Variants in KIAA0825 observed in about 807,000 individuals in gnomAD.
KIAA0825 encodes KIAA0825.
A neutral mutation model predicts 147.6 loss-of-function variants in KIAA0825; 119 were observed. The ratio of observed to expected loss-of-function variants is 0.81; its 90% confidence interval spans 0.69 to 0.94. KIAA0825 has a LOEUF of 0.94. KIAA0825 is among the 40% of genes least tolerant of loss of function. The pLI is 0.00. For synonymous variants in KIAA0825, 470 were observed against 518.1 expected (o/e 0.91, Z 1.26); for missense variants, 1,381 against 1,472.7 (o/e 0.94, Z 1.02).
At chr5:94,590,604 A>T (rs2152389982) in intron 1 of KIAA0825, among the ~76,000 whole-genome samples, 1 of 152,362 alleles carries the variant, frequency 6.6e-6, no homozygotes, top group Middle Eastern at 3.4e-3. Context: ...AGCTGAAATC[A>T]CAAGGTTTCT....
intron 14 of KIAA0825, among the ~76,000 whole-genome samples, chr5:94,426,619 ATAAGTTCTTGCGTTCAG>A (rs1754922748): frequency 6.6e-6 from 1 of 152,216 alleles, no homozygotes; most frequent in Non-Finnish European, 1.5e-5. Flanking sequence ...GTTAGAAGAA[ATAAGTTCTTGCGTTCAG>A]CAACAGAGTA....
At chr5:94,592,988 T>C in intron 1 of KIAA0825, 2 of 598,964 alleles carry the variant, frequency 3.3e-6, no homozygotes, top group South Asian at 3.3e-5. Flanking sequence ...ACATTTAATA[T>C]ACTTTGGAAG....
intron 14 of KIAA0825, among the ~76,000 whole-genome samples, chr5:94,437,633 G>T (rs1192760797): frequency 2.6e-5 from 4 of 152,176 alleles, no homozygotes; most frequent in African/African-American, 9.7e-5. Context: ...AAGAGAACAT[G>T]GTTAAATATT....
At chr5:94,189,509 T>C (rs1007587310) in intron 20 of KIAA0825, among the ~76,000 whole-genome samples, 1 of 152,162 alleles carries the variant, frequency 6.6e-6, no homozygotes, top group African/African-American at 2.4e-5. Flanking sequence ...GTTGTTCCAG[T>C]ATCACTTATT....
intron 10 of KIAA0825, among the ~76,000 whole-genome samples, chr5:94,468,447 G>A (rs1478565194): frequency 6.6e-6 from 1 of 152,208 alleles, no homozygotes; most frequent in South Asian, 2.1e-4. Flanking sequence ...GCTGCCAGGA[G>A]AGGGGAAGAC....
At chr5:94,575,220 T>C (rs1378081677) in intron 2 of KIAA0825, among the ~76,000 whole-genome samples, 1 of 152,150 alleles carries the variant, frequency 6.6e-6, no homozygotes, top group East Asian at 1.9e-4. Flanking sequence ...AGCACACGAC[T>C]AGTGTTTTAT....
At chr5:94,497,197 C>A (rs1764481448) in intron 5 of KIAA0825, among the ~76,000 whole-genome samples, 1 of 152,138 alleles carries the variant, frequency 6.6e-6, no homozygotes. Context: ...AGAAAACTAG[C>A]AATGACATCA....
At position 94,152,024 on chromosome 5, in the gene KIAA0825, T is replaced by C. The variant is rs1402268589; in HGVS notation, c.*1983A>G. ...CTCATAAAATTTTCCTACCATTTTC[T>C]AAATGGTCTTCATAGAATTTTTAGA... On this transcript the variant is annotated 3_prime_UTR_variant, in exon 21 of 21. Coordinates refer to ENST00000682413, the MANE Select transcript of KIAA0825 (RefSeq NM_001145678.3). 6.6e-6 allele frequency among the ~76,000 whole-genome samples: 1 copy of C among 152,218 alleles called. No individual in the cohort carries two copies. The highest frequency in any genetic ancestry group is 1.5e-5 in the Non-Finnish European group (1 of 68,032).
At position 94,154,025 on chromosome 5, in the gene KIAA0825, A is replaced by G. The variant is rs1766800968; in HGVS notation, c.3810T>C (p.Asp1270=). 1.3e-6 allele frequency: 2 copies of G among 1,550,546 alleles called. No individual in the cohort carries two copies. The highest frequency in any genetic ancestry group is 1.2e-5 in the South Asian group (1 of 84,028). The part of the protein sequence containing the change: ...ICTPQNSSAS[D]NIEEQ ...CTGCAGATTACTGTTCCTCTATGTT[A>G]TCTGAGGCAGAAGAGTTCTGTGGGG... The change falls in exon 21 of 21, where the codon GAT becomes GAC. Residue 1270 remains aspartate, a synonymous_variant. Coordinates refer to ENST00000682413, the MANE Select transcript of KIAA0825 (RefSeq NM_001145678.3).
chr5:94,551,847 A>G (rs1231431728), intron 2 of KIAA0825, among the ~76,000 whole-genome samples: 1 of 149,650 alleles, frequency 6.7e-6, no homozygotes, highest in Non-Finnish European at 1.5e-5. Context: ...AACTGCAAAA[A>G]TAAATAGAGA....
At chr5:94,163,907 G>T (rs1435262016) in intron 20 of KIAA0825, among the ~76,000 whole-genome samples, 1 of 152,166 alleles carries the variant, frequency 6.6e-6, no homozygotes, top group Non-Finnish European at 1.5e-5. Context: ...GAAATTAATT[G>T]TAATGGACTC....
In KIAA0825 at chr5:94,547,736, C is replaced by CAAAA. The variant is rs144612994; in HGVS notation, c.-1-10613_-1-10610dup. Among the ~76,000 whole-genome samples, 157 of 127,678 alleles carry CAAAA rather than the reference C, an allele frequency of 1.2e-3. 1 individual carries two copies. Among genetic ancestry groups the CAAAA allele is most frequent in the African/African-American group, 5.0e-3 (152 of 30,620 alleles). The allele number at this position is 127,678 out of a possible 152,430, so 83.8% of individuals were successfully genotyped here. A position where few individuals can be genotyped will look rare whatever the true frequency, so the allele number is the denominator to read the frequency against. On this transcript the variant is annotated intron_variant, in intron 2 of 20. Coordinates refer to ENST00000682413, the MANE Select transcript of KIAA0825 (RefSeq NM_001145678.3). ...TGCACGACAGGGTAAGACTCCCTTT[C>CAAAA]AAAAAAAAAAAGAATCGTAAAAGCA...
chr5:94,551,826 A>G (rs936349393), intron 2 of KIAA0825, among the ~76,000 whole-genome samples: 7 of 152,084 alleles, frequency 4.6e-5, no homozygotes, highest in African/African-American at 1.4e-4. Context: ...AACACTACAG[A>G]AAAACCATCA....
At chr5:94,524,749 A>ATT (rs1768939054) in intron 3 of KIAA0825, among the ~76,000 whole-genome samples, 1 of 151,768 alleles carries the variant, frequency 6.6e-6, no homozygotes, top group South Asian at 2.1e-4. Flanking sequence ...TAAGTTTTAA[A>ATT]TTTTACTTTT....
chr5:94,528,417 TG>T (rs1452068955), intron 3 of KIAA0825, among the ~76,000 whole-genome samples: 3 of 152,216 alleles, frequency 2.0e-5, no homozygotes, highest in Non-Finnish European at 2.9e-5. Flanking sequence ...GGCTCTTCAA[TG>T]GTCCAGATGC....
chr5:94,563,198 A>AC (rs200135842), intron 2 of KIAA0825, among the ~76,000 whole-genome samples: 35 of 142,738 alleles, frequency 2.5e-4, no homozygotes, highest in African/African-American at 5.4e-4. Context: ...AAAAAAACAA[A>AC]AAAAAAAAAA....
intron 14 of KIAA0825, among the ~76,000 whole-genome samples, chr5:94,424,728 T>C (rs560853994): frequency 7.9e-5 from 12 of 152,174 alleles, no homozygotes; most frequent in Admixed American, 2.0e-4. Flanking sequence ...GAAGAAGTTA[T>C]TTTTTGAAAA....
chr5:94,438,818 G>C (rs908476679), intron 14 of KIAA0825, among the ~76,000 whole-genome samples: 2 of 152,152 alleles, frequency 1.3e-5, no homozygotes, highest in African/African-American at 4.8e-5. Context: ...TATACTAACA[G>C]GCTGGTAGGG....
intron 12 of KIAA0825, among the ~76,000 whole-genome samples, chr5:94,458,445 T>C (rs1045499099): frequency 4.6e-5 from 7 of 152,120 alleles, no homozygotes; most frequent in African/African-American, 1.4e-4. Flanking sequence ...AAAGGGCAGG[T>C]TGAGAACAGG....
Sources: allele counts gnomAD v4.1 joint callset (sites outside exome capture counted in the v4.1 genomes callset), GRCh38; gene constraint gnomAD v4.1.1; transcripts MANE v1.5; gene names NCBI Gene and HGNC (gene_info 2026-07-23, HGNC 2026-07-21).